Variants in PPP2R5E observed in about 807,000 individuals in gnomAD.
PPP2R5E encodes protein phosphatase 2 regulatory subunit B'epsilon.
PPP2R5E carries 4 observed loss-of-function variants against 65.3 expected under a neutral mutation model. The ratio of observed to expected loss-of-function variants is 0.06; its 90% confidence interval spans 0.03 to 0.14. PPP2R5E has a LOEUF of 0.14. Among genes scored for constraint, PPP2R5E ranks in the 10% least tolerant of loss-of-function variants. The probability of loss-of-function intolerance (pLI) is 1.00; values close to 1 mark genes in which losing one functional copy is unlikely to be tolerated. For synonymous variants in PPP2R5E, 183 were observed against 187.4 expected (o/e 0.98, Z 0.19); for missense variants, 274 against 556.1 (o/e 0.49, Z 5.10).
At chr14:63,379,826 C>CTCTCTCTCTTTTT (rs528081976) in intron 13 of PPP2R5E, among the ~76,000 whole-genome samples, 24 of 100,302 alleles carry the variant, frequency 2.4e-4, no homozygotes, top group African/African-American at 1.0e-3. Flanking sequence ...TATTCTCTCT[C>CTCTCTCTCTTTTT]TTTTTTTTTT....
At chr14:63,386,426 C>T (rs1205974952) in intron 11 of PPP2R5E, among the ~76,000 whole-genome samples, 1 of 152,164 alleles carries the variant, frequency 6.6e-6, no homozygotes, top group Non-Finnish European at 1.5e-5. Context: ...TGGCAGATTC[C>T]AAAGTCTCTA....
At chr14:63,426,742 C>A (rs1413176041) in intron 3 of PPP2R5E, among the ~76,000 whole-genome samples, 2 of 148,154 alleles carry the variant, frequency 1.3e-5, no homozygotes, top group Non-Finnish European at 3.0e-5. Context: ...TCCCACAATA[C>A]CAGAGAGCTT....
chr14:63,432,818 C>T (rs960906600), intron 3 of PPP2R5E, among the ~76,000 whole-genome samples: 14 of 152,192 alleles, frequency 9.2e-5, no homozygotes, highest in Admixed American at 8.5e-4. Context: ...CTAGAAACAA[C>T]CTAAACGTTC....
intron 2 of PPP2R5E, among the ~76,000 whole-genome samples, chr14:63,512,195 C>A (rs1892491470): frequency 6.7e-6 from 1 of 149,534 alleles, no homozygotes; most frequent in South Asian, 2.2e-4. Flanking sequence ...TTACTAAGTA[C>A]TTTACCCTCT....
intron 2 of PPP2R5E, among the ~76,000 whole-genome samples, chr14:63,503,639 C>G (rs1341855403): frequency 2.6e-5 from 4 of 152,190 alleles, no homozygotes; most frequent in African/African-American, 9.6e-5. Context: ...TTTAGATGTT[C>G]TGTTTCAATA....
chr14:63,538,488 C>T (rs1230688571), intron 2 of PPP2R5E, among the ~76,000 whole-genome samples: 1 of 150,806 alleles, frequency 6.6e-6, no homozygotes, highest in African/African-American at 2.4e-5. Context: ...CTCCTGACCT[C>T]GTGATCTGCC....
intron 13 of PPP2R5E, among the ~76,000 whole-genome samples, chr14:63,379,269 C>G (rs1884173856): frequency 6.6e-6 from 1 of 152,072 alleles, no homozygotes; most frequent in South Asian, 2.1e-4. Flanking sequence ...ACCTCGTGAT[C>G]CGCCCGCCTC....
intron 2 of PPP2R5E, among the ~76,000 whole-genome samples, chr14:63,533,821 T>C (rs1268267923): frequency 6.6e-6 from 1 of 152,020 alleles, no homozygotes; most frequent in Non-Finnish European, 1.5e-5. Context: ...GGCAGACACC[T>C]GTAATCCCAG....
At chr14:63,395,373 G>T in intron 6 of PPP2R5E, 88 bp from the exon 7 acceptor site, 1 of 740,850 alleles carries the variant, frequency 1.3e-6, no homozygotes, top group South Asian at 1.8e-5. Flanking sequence ...AGGAGAAGGG[G>T]GAGGAGGAGG....
At chr14:63,452,278 G>A (rs1888887703) in intron 3 of PPP2R5E, 1 of 152,234 alleles carries the variant, frequency 6.6e-6, no homozygotes, top group South Asian at 2.1e-4. Context: ...GTAGACTAGA[G>A]AAGATCCTCT....
chr14:63,466,602 T>A (rs1291289699), intron 2 of PPP2R5E, among the ~76,000 whole-genome samples: 6 of 152,152 alleles, frequency 3.9e-5, no homozygotes, highest in Non-Finnish European at 7.4e-5. Context: ...TAAGTCCACA[T>A]AGAACAGTTG....
At chr14:63,490,288 G>T (rs1221043736) in intron 2 of PPP2R5E, among the ~76,000 whole-genome samples, 1 of 152,006 alleles carries the variant, frequency 6.6e-6, no homozygotes, top group Non-Finnish European at 1.5e-5. Flanking sequence ...ACTCAAAATG[G>T]ATTAAGGACT....
chr14:63,424,473 C>G (rs1157770115), intron 3 of PPP2R5E, among the ~76,000 whole-genome samples: 1 of 152,066 alleles, frequency 6.6e-6, no homozygotes, highest in African/African-American at 2.4e-5. Context: ...AAGGGTCGGC[C>G]GGGCGCGGTG....
chr14:63,429,398 C>A (rs1887502666), intron 3 of PPP2R5E, among the ~76,000 whole-genome samples: 1 of 152,042 alleles, frequency 6.6e-6, no homozygotes, highest in South Asian at 2.1e-4. Context: ...AATTTTCTAA[C>A]CAAAAAGACT....
intron 12 of PPP2R5E, among the ~76,000 whole-genome samples, chr14:63,383,067 C>CTGGGA (rs200636856): frequency 0.013 from 1,957 of 152,224 alleles, 48 homozygotes; most frequent in African/African-American, 0.045. Flanking sequence ...AACTGGCAAG[C>CTGGGA]TGGGATGGTT....
chr14:63,533,298 A>G lies in PPP2R5E; in HGVS notation c.157+6231T>C, dbSNP rs192010576. Among the ~76,000 whole-genome samples the G allele has an allele frequency of 3.3e-3, 505 of 152,362 alleles. 3 individuals are homozygous for G. Among genetic ancestry groups the G allele is most frequent in the African/African-American group, 0.011 (467 of 41,584 alleles). On this transcript the variant is annotated intron_variant, in intron 2 of 13. Coordinates refer to ENST00000337537, the MANE Select transcript of PPP2R5E (RefSeq NM_006246.5). ...CGAAAACGGCCGGGCACGGTGGCTC[A>G]CGCCTGTAATCCCAGCACTTTGGGA...
At chr14:63,424,556 C>G (rs1023334802) in intron 3 of PPP2R5E, among the ~76,000 whole-genome samples, 1 of 152,048 alleles carries the variant, frequency 6.6e-6, no homozygotes, top group African/African-American at 2.4e-5. Context: ...TTGAGACCAT[C>G]CTGGCTAACA....
At chr14:63,405,665 T>C (rs906615175) in intron 5 of PPP2R5E, among the ~76,000 whole-genome samples, 1 of 152,234 alleles carries the variant, frequency 6.6e-6, no homozygotes, top group African/African-American at 2.4e-5. Flanking sequence ...TGCTAAACTC[T>C]TGCCACAATA....
At chr14:63,501,913 G>A (rs560143553) in intron 2 of PPP2R5E, among the ~76,000 whole-genome samples, 9 of 151,756 alleles carry the variant, frequency 5.9e-5, no homozygotes, top group African/African-American at 2.2e-4. Context: ...TTATTTTTTT[G>A]AGACACGGTT....
Sources: gnomAD v4.1 joint callset for allele counts (sites outside exome capture counted in the v4.1 genomes callset) on GRCh38, gnomAD v4.1.1 for gene constraint, MANE v1.5 for transcripts, NCBI Gene and HGNC (gene_info 2026-07-23, HGNC 2026-07-21) for gene names.